Variants in TBC1D32 observed in about 807,000 individuals in gnomAD.
TBC1D32 encodes protein broad-minded.
TBC1D32 carries 151 observed loss-of-function variants against 170.3 expected under a neutral mutation model. The observed-to-expected ratio is 0.89, with a 90% CI of 0.78 to 1.01. The LOEUF (loss-of-function observed/expected upper bound fraction) is 1.01. TBC1D32 is among the 50% of genes least tolerant of loss of function. The pLI is 0.00. For synonymous variants in TBC1D32, 498 were observed against 488.0 expected (o/e 1.02, Z -0.27); for missense variants, 1,464 against 1,457.1 (o/e 1.00, Z -0.08).
Position 121,159,901 on chromosome 6 carries a change from T to C in TBC1D32, c.2773+109A>G. ...AAAGAAATAGGCATAAATGCACACA[T>C]GTATACATGCTAAATGCAGTCAATA... On this transcript the variant is annotated intron_variant, in intron 24 of 31. Coordinates refer to ENST00000398212, the MANE Select transcript of TBC1D32 (RefSeq NM_152730.6). 4 of 726,610 alleles carry C rather than the reference T, an allele frequency of 5.5e-6. No homozygotes were observed. The South Asian group carries it at 7.3e-5, about 13-fold the overall frequency. 45.0% of individuals were successfully genotyped at this position (726,610 alleles called of 1,614,324 possible).
chr6:121,188,363 G>A (rs1175752016), intron 22 of TBC1D32, among the ~76,000 whole-genome samples: 1 of 152,022 alleles, frequency 6.6e-6, no homozygotes, highest in African/African-American at 2.4e-5. Flanking sequence ...GGAAAGTAAA[G>A]TTTTAGGAAA....
At chr6:121,117,191 T>C (rs1375241753) in intron 26 of TBC1D32, among the ~76,000 whole-genome samples, 1 of 152,200 alleles carries the variant, frequency 6.6e-6, no homozygotes, top group Non-Finnish European at 1.5e-5. Flanking sequence ...TAATGTAGTG[T>C]AGCAAATTCT....
At chr6:121,177,514 G>T (rs1159760670) in intron 22 of TBC1D32, among the ~76,000 whole-genome samples, 1 of 152,036 alleles carries the variant, frequency 6.6e-6, no homozygotes, top group African/African-American at 2.4e-5. Flanking sequence ...CCCAATCTCA[G>T]GTATTTCTTT....
intron 22 of TBC1D32, among the ~76,000 whole-genome samples, chr6:121,169,094 A>G (rs953304335): frequency 1.3e-5 from 2 of 152,174 alleles, no homozygotes; most frequent in Admixed American, 1.3e-4. Flanking sequence ...GAACCAAAAA[A>G]GACCTCAAAT....
intron 22 of TBC1D32, among the ~76,000 whole-genome samples, chr6:121,169,805 T>G (rs879943629): frequency 2.0e-5 from 3 of 152,020 alleles, no homozygotes; most frequent in African/African-American, 7.2e-5. Flanking sequence ...ATTACAGACA[T>G]AAAGGCAATG....
chr6:121,321,608 A>T, intron 2 of TBC1D32, 25 bp downstream of exon 2: 1 of 1,600,082 alleles, frequency 6.2e-7, no homozygotes, highest in Non-Finnish European at 8.5e-7. Flanking sequence ...AGGTTATTTG[A>T]AGATATTATT....
chr6:121,246,144 C>T (rs1797568219), intron 17 of TBC1D32, among the ~76,000 whole-genome samples: 1 of 152,090 alleles, frequency 6.6e-6, no homozygotes, highest in African/African-American at 2.4e-5. Context: ...AAGTGTACAA[C>T]ACAGGAGAAT....
intron 22 of TBC1D32, among the ~76,000 whole-genome samples, chr6:121,180,721 G>A (rs1029569721): frequency 9.2e-5 from 14 of 152,206 alleles, no homozygotes; most frequent in African/African-American, 2.9e-4. Flanking sequence ...CAATGCAAAC[G>A]TAGACAAATG....
intron 20 of TBC1D32, among the ~76,000 whole-genome samples, chr6:121,223,718 A>T (rs1052879669): frequency 6.6e-6 from 1 of 152,040 alleles, no homozygotes; most frequent in African/African-American, 2.4e-5. Context: ...ATAATTAGGG[A>T]CTCTGGGGCA....
chr6:121,199,936 T>C (rs1583188589), intron 22 of TBC1D32, among the ~76,000 whole-genome samples: 1 of 151,566 alleles, frequency 6.6e-6, no homozygotes, highest in Admixed American at 6.5e-5. Context: ...ACTTTTCATA[T>C]TAAAGTCATC....
rs573022641 is a variant in TBC1D32 at position 121,311,500 on chromosome 6, C to G, written c.496-653G>C. 8.5e-5 allele frequency among the ~76,000 whole-genome samples: 13 copies of G among 152,166 alleles called. No homozygotes were observed. In the East Asian group the frequency reaches 2.5e-3, roughly 29 times the overall value. The stretch of plus-strand genomic sequence containing the variant: ...ATCCCAGCACTTTGGGAGTCCAAGG[C>G]GGGCGGATCACGAGGTCAAGAGATC... On this transcript the variant is annotated intron_variant, in intron 3 of 31. Coordinates refer to ENST00000398212, the MANE Select transcript of TBC1D32 (RefSeq NM_152730.6).
At chr6:121,232,893 A>G (rs1435034840) in intron 20 of TBC1D32, among the ~76,000 whole-genome samples, 1 of 151,870 alleles carries the variant, frequency 6.6e-6, no homozygotes, top group African/African-American at 2.4e-5. Context: ...CTTTTGCTGT[A>G]TCTAGAGGTT....
At chr6:121,087,564 T>C (rs984776400) in intron 31 of TBC1D32, among the ~76,000 whole-genome samples, 1 of 152,202 alleles carries the variant, frequency 6.6e-6, no homozygotes, top group Non-Finnish European at 1.5e-5. Context: ...AGGAAAAGAA[T>C]TGTGTATCTT....
chr6:121,229,306 T>A (rs1168141702), intron 20 of TBC1D32, among the ~76,000 whole-genome samples: 1 of 152,164 alleles, frequency 6.6e-6, no homozygotes, highest in Admixed American at 6.6e-5. Context: ...TTTTCAAGAC[T>A]TGATATGTCA....
At chr6:121,315,900 G>T (rs1808871120) in intron 3 of TBC1D32, among the ~76,000 whole-genome samples, 1 of 152,022 alleles carries the variant, frequency 6.6e-6, no homozygotes, top group African/African-American at 2.4e-5. Flanking sequence ...CTTCCCAAAA[G>T]TCCAGGGATA....
rs558745706 is a variant in TBC1D32 at position 121,225,431 on chromosome 6, TA to T, written c.2365-2080del. Among the ~76,000 whole-genome samples the T allele has an allele frequency of 1.7e-3, 252 of 152,090 alleles. 7 individuals carry two copies. The South Asian group carries it at 0.049, about 30-fold the overall frequency. On this transcript the variant is annotated intron_variant, in intron 20 of 31. Coordinates refer to ENST00000398212, the MANE Select transcript of TBC1D32 (RefSeq NM_152730.6). Reference sequence around the variant, plus strand: ...TAAAGAATCTTTTCTACCATAATCATAAAAGATTACAAAAAAGCCTTTTAAA... The same window carrying T: ...TAAAGAATCTTTTCTACCATAATCATAAAGATTACAAAAAAGCCTTTTAAA...
At chr6:121,107,335 C>G (rs1164121316) in intron 29 of TBC1D32, among the ~76,000 whole-genome samples, 1 of 151,804 alleles carries the variant, frequency 6.6e-6, no homozygotes, top group African/African-American at 2.4e-5. Context: ...TCGGTTTTAT[C>G]ATTCATCATA....
chr6:121,187,263 G>A (rs1050964596), intron 22 of TBC1D32, among the ~76,000 whole-genome samples: 1 of 152,010 alleles, frequency 6.6e-6, no homozygotes, highest in South Asian at 2.1e-4. Flanking sequence ...TTAAGCAGGA[G>A]AAAAACAGTC....
intron 15 of TBC1D32, among the ~76,000 whole-genome samples, chr6:121,257,551 C>T (rs1040445751): frequency 6.6e-6 from 1 of 152,102 alleles, no homozygotes; most frequent in African/African-American, 2.4e-5. Flanking sequence ...TCCTCAGTAA[C>T]ATTTTAGTTA....
Sources: allele counts gnomAD v4.1 joint callset (sites outside exome capture counted in the v4.1 genomes callset), GRCh38; gene constraint gnomAD v4.1.1; transcripts MANE v1.5; gene names NCBI Gene and HGNC (gene_info 2026-07-23, HGNC 2026-07-21).